Variants in KCNAB1 observed in about 807,000 individuals in gnomAD.
KCNAB1 encodes potassium voltage-gated channel subfamily A regulatory beta subunit 1, also known as voltage-gated potassium channel subunit beta-1.
A neutral mutation model predicts 64.6 loss-of-function variants in KCNAB1; 35 were observed. That is an observed-to-expected ratio of 0.54 (90% CI 0.41 to 0.72). The LOEUF (loss-of-function observed/expected upper bound fraction) is 0.72. KCNAB1 is among the 30% of genes least tolerant of loss of function. The pLI is 0.00. For synonymous variants in KCNAB1, 177 were observed against 183.8 expected, an observed-to-expected ratio of 0.96 and a Z score of 0.30; for missense variants, 401 against 512.9, an observed-to-expected ratio of 0.78 and a Z score of 2.11.
At chr3:156,312,083 C>CATT (rs1721947492) in intron 1 of KCNAB1, among the ~76,000 whole-genome samples, 1 of 152,200 alleles carries the variant, frequency 6.6e-6, no homozygotes. Context: ...CCTTGAAATG[C>CATT]ATTAGTAACT....
At chr3:156,318,629 G>A (rs899054308) in intron 1 of KCNAB1, among the ~76,000 whole-genome samples, 2 of 152,156 alleles carry the variant, frequency 1.3e-5, no homozygotes, top group African/African-American at 4.8e-5. Flanking sequence ...CTCTCAAAAA[G>A]GTTTTGCTGA....
intron 1 of KCNAB1, among the ~76,000 whole-genome samples, chr3:156,231,384 C>T (rs766128869): frequency 6.6e-6 from 1 of 151,940 alleles, no homozygotes; most frequent in Non-Finnish European, 1.5e-5. Context: ...AATGTTTTAC[C>T]CCAAAATATA....
At chr3:156,176,077 T>C (rs950347766) in intron 1 of KCNAB1, 5 of 770,574 alleles carry the variant, frequency 6.5e-6, no homozygotes, top group Non-Finnish European at 9.7e-6. Flanking sequence ...TTCAAAGTTG[T>C]GCACATTTCC....
intron 1 of KCNAB1, among the ~76,000 whole-genome samples, chr3:156,412,062 G>GT (rs896785178): frequency 6.6e-6 from 1 of 151,978 alleles, no homozygotes; most frequent in Non-Finnish European, 1.5e-5. Flanking sequence ...ATTCTTCAGT[G>GT]TTTTTTAGTT....
Position 156,498,148 on chromosome 3 carries a change from G to A in KCNAB1, c.659-16216G>A, listed in dbSNP as rs139563408. ...ATTGATGCTTTATGAAAAGTTCATG[G>A]TGACAGTGCCCCCAAAGAAACCAGC... On this transcript the variant is annotated intron_variant, in intron 8 of 13. Coordinates refer to ENST00000490337, the MANE Select transcript of KCNAB1 (RefSeq NM_172160.3). Among the ~76,000 whole-genome samples, 98 of 152,324 alleles carry A rather than the reference G, an allele frequency of 6.4e-4. 1 individual carries two copies. In the East Asian group the frequency reaches 0.011, roughly 18 times the overall value.
intron 1 of KCNAB1, among the ~76,000 whole-genome samples, chr3:156,406,051 T>C (rs1714226146): frequency 6.6e-6 from 1 of 152,266 alleles, no homozygotes; most frequent in Admixed American, 6.5e-5. Context: ...AGATACACCA[T>C]AAATGTTGTA....
intron 8 of KCNAB1, among the ~76,000 whole-genome samples, chr3:156,486,327 A>G (rs1715213528): frequency 6.6e-6 from 1 of 151,998 alleles, no homozygotes; most frequent in South Asian, 2.1e-4. Flanking sequence ...GGAGCTCCTC[A>G]CTGGCTTCAA....
intron 1 of KCNAB1, among the ~76,000 whole-genome samples, chr3:156,353,535 A>G (rs1453454139): frequency 6.6e-6 from 1 of 152,252 alleles, no homozygotes; most frequent in African/African-American, 2.4e-5. Flanking sequence ...CCAGGAATCC[A>G]GGTGGCTTAG....
At position 156,459,872 on chromosome 3, in the gene KCNAB1, G is replaced by GTATTGCA; in HGVS notation, c.482+3_482+9dup. ...GCATCATCAAGAAGAAAGGCTGGAGGTATTGCATTCGCCATAATTATTTGT... is the reference window on the plus strand; with the variant it reads ...GCATCATCAAGAAGAAAGGCTGGAGGTATTGCATATTGCATTCGCCATAATTATTTGT... On this transcript the variant is annotated splice_donor_variant, in intron 5 of 13. Coordinates refer to ENST00000490337, the MANE Select transcript of KCNAB1 (RefSeq NM_172160.3). LOFTEE classifies it high-confidence loss of function. 1 of 1,604,116 alleles carries GTATTGCA rather than the reference G, an allele frequency of 6.2e-7. No homozygotes were observed. The highest frequency in any genetic ancestry group is 8.5e-7 in the Non-Finnish European group (1 of 1,171,724).
intron 1 of KCNAB1, among the ~76,000 whole-genome samples, chr3:156,164,008 G>A (rs2108314115): frequency 6.6e-6 from 1 of 152,258 alleles, no homozygotes; most frequent in African/African-American, 2.4e-5. Context: ...TTAATGCTAG[G>A]CATCAAGACT....
intron 1 of KCNAB1, among the ~76,000 whole-genome samples, chr3:156,316,021 CAG>C (rs1323180908): frequency 6.6e-6 from 1 of 152,096 alleles, no homozygotes. Flanking sequence ...TAAATATATA[CAG>C]AGAGATCTAT....
intron 1 of KCNAB1, among the ~76,000 whole-genome samples, chr3:156,307,317 G>A (rs1180389625): frequency 6.6e-6 from 1 of 151,490 alleles, no homozygotes; most frequent in South Asian, 2.1e-4. Flanking sequence ...GAACAGAAGA[G>A]ATTATTTTTA....
chr3:156,363,897 ACT>A (rs1455913002), intron 1 of KCNAB1, among the ~76,000 whole-genome samples: 1 of 152,160 alleles, frequency 6.6e-6, no homozygotes, highest in Non-Finnish European at 1.5e-5. Flanking sequence ...TCTAAGACAA[ACT>A]CCATGATGCT....
At chr3:156,328,896 G>T (rs1723153964) in intron 1 of KCNAB1, among the ~76,000 whole-genome samples, 1 of 152,056 alleles carries the variant, frequency 6.6e-6, no homozygotes, top group African/African-American at 2.4e-5. Flanking sequence ...AAATGGAGTT[G>T]TTTGATATTT....
chr3:156,429,021 T>C (rs1559880048), intron 2 of KCNAB1, among the ~76,000 whole-genome samples: 2 of 152,250 alleles, frequency 1.3e-5, no homozygotes, highest in Non-Finnish European at 2.9e-5. Flanking sequence ...GGAGGACTTA[T>C]ATGAGTCTCT....
rs142225903 is a variant in KCNAB1 at position 156,341,459 on chromosome 3, C to A, written c.276-80157C>A. ...CCCTTAATTTGCACTGCCATTGAGG[C>A]CTGACACATGTCATTCAACACTTGC... On this transcript the variant is annotated intron_variant, in intron 1 of 13. Coordinates refer to ENST00000490337, the MANE Select transcript of KCNAB1 (RefSeq NM_172160.3). Among the ~76,000 whole-genome samples, 1,329 of 152,296 alleles carry A rather than the reference C, an allele frequency of 8.7e-3. 11 individuals are homozygous for A. The highest frequency in any genetic ancestry group is 0.031 in the Middle Eastern group (9 of 294).
chr3:156,332,647 G>C (rs566515494), intron 1 of KCNAB1, among the ~76,000 whole-genome samples: 3 of 152,286 alleles, frequency 2.0e-5, no homozygotes, highest in African/African-American at 7.2e-5. Context: ...CTGCCCTAGA[G>C]ATGCAGTAAT....
intron 8 of KCNAB1, among the ~76,000 whole-genome samples, chr3:156,476,216 C>T (rs569190549): frequency 1.3e-5 from 2 of 151,966 alleles, no homozygotes; most frequent in South Asian, 4.2e-4. Context: ...AGTGCTTTAG[C>T]GGTGATTTGT....
intron 1 of KCNAB1, among the ~76,000 whole-genome samples, chr3:156,260,908 G>A (rs1003367458): frequency 5.9e-5 from 9 of 151,880 alleles, no homozygotes; most frequent in African/African-American, 1.9e-4. Flanking sequence ...CTAATTCCTC[G>A]TACTAAAAAA....
Sources: allele counts gnomAD v4.1 joint callset (sites outside exome capture counted in the v4.1 genomes callset), GRCh38; gene constraint gnomAD v4.1.1; transcripts MANE v1.5; gene names NCBI Gene and HGNC (gene_info 2026-07-23, HGNC 2026-07-21).